Variants in CHD2 observed in about 807,000 individuals in gnomAD.
CHD2 encodes the protein ATP-dependent chromatin remodeler CHD2.
CHD2 carries 28 observed loss-of-function variants against 243.9 expected under a neutral mutation model. The ratio of observed to expected loss-of-function variants is 0.11; its 90% CI spans 0.09 to 0.16. The LOEUF is 0.16. Among genes scored for constraint, CHD2 ranks in the 10% least tolerant of loss-of-function variants. The pLI is 1.00. For missense variants in CHD2, 1,386 were observed against 2,209.8 expected, an observed-to-expected ratio of 0.63 and a Z score of 7.47; for synonymous variants, 775 against 779.0, an observed-to-expected ratio of 0.99 and a Z score of 0.09.
At position 93,027,141 on chromosome 15, in the gene CHD2, G is replaced by A. The variant is rs1305884942; in HGVS notation, c.*2436G>A. ...CTGGAGTATGTTTGAAGAGTGTGCT[G>A]GGAAAAAGGAAGCATTTCTTCATTG... On this transcript the variant is annotated 3_prime_UTR_variant, in exon 39 of 39. Transcript: ENST00000394196. 1 of 152,478 alleles carries A rather than the reference G, an allele frequency of 6.6e-6. No homozygotes were observed. Among genetic ancestry groups the A allele is most frequent in the Non-Finnish European group, 1.5e-5 (1 of 67,998 alleles). 9.4% of individuals were successfully genotyped at this position (152,478 alleles called of 1,614,324 possible).
At chr15:93,023,408 A>G (rs2054556214) in intron 38 of CHD2, among the ~76,000 whole-genome samples, 1 of 152,214 alleles carries the variant, frequency 6.6e-6, no homozygotes, top group South Asian at 2.1e-4. Flanking sequence ...TTGTTTATCC[A>G]TTCATCTGTT....
chr15:92,969,254 A>G (rs2141832908), intron 17 of CHD2, among the ~76,000 whole-genome samples: 1 of 152,326 alleles, frequency 6.6e-6, no homozygotes, highest in South Asian at 2.1e-4. Flanking sequence ...CCTGGCTAAT[A>G]TTCTGTTGCC....
chr15:92,926,036 A>G (rs535638592), intron 3 of CHD2, among the ~76,000 whole-genome samples: 2 of 152,298 alleles, frequency 1.3e-5, no homozygotes, highest in Admixed American at 6.5e-5. Context: ...CAGTGGTGCA[A>G]TCACAGCTCA....
intron 35 of CHD2, among the ~76,000 whole-genome samples, chr15:93,010,837 A>G (rs2054383878): frequency 6.6e-6 from 1 of 152,230 alleles, no homozygotes; most frequent in Non-Finnish European, 1.5e-5. Flanking sequence ...GTTTGTACAT[A>G]ACCACAGTTA....
rs2053577182 is a variant in CHD2 at position 92,953,225 on chromosome 15, A to G, written c.1503-132A>G. The G allele has an allele frequency of 7.4e-6, 5 of 671,602 alleles. No individual in the cohort carries two copies. The Admixed American group carries it at 1.4e-4, about 19-fold the overall frequency. The allele number at this position is 671,602 out of a possible 1,614,324, so 41.6% of individuals were successfully genotyped here. Reference sequence around the variant, plus strand: ...GAAGTAATTGCAGATGAGAAGAAATACATTTGAGGCTTATGAATGACACCT... The same window carrying G: ...GAAGTAATTGCAGATGAGAAGAAATGCATTTGAGGCTTATGAATGACACCT... On this transcript the variant is annotated intron_variant, in intron 13 of 38. Transcript: ENST00000394196.
At chr15:93,017,325 T>C (rs1468527020) in intron 37 of CHD2, among the ~76,000 whole-genome samples, 2 of 140,120 alleles carry the variant, frequency 1.4e-5, no homozygotes, top group Admixed American at 1.4e-4. Flanking sequence ...CTTTAAACAC[T>C]TCTTTCTTTT....
At chr15:92,940,670 T>C (rs1254113289) in intron 7 of CHD2, among the ~76,000 whole-genome samples, 1 of 150,872 alleles carries the variant, frequency 6.6e-6, no homozygotes, top group Non-Finnish European at 1.5e-5. Context: ...CTAGCACTTT[T>C]TCTTACTGTA....
At chr15:92,947,014 G>T (rs527268839) in intron 12 of CHD2, 78 of 152,100 alleles carry the variant, frequency 5.1e-4, no homozygotes, top group African/African-American at 1.8e-3. Flanking sequence ...AAATATATAG[G>T]CTTATTTGCT....
chr15:92,992,393 T>G (rs2054131438), intron 27 of CHD2, among the ~76,000 whole-genome samples: 1 of 152,224 alleles, frequency 6.6e-6, no homozygotes, highest in Non-Finnish European at 1.5e-5. Context: ...GCTGTTAATG[T>G]AGTTGTGTGC....
rs778260282 is a variant in CHD2, at chr15:93,025,667, C to T, written c.*962C>T. 6.6e-6 allele frequency: 1 copy of T among 152,240 alleles called. No individual in the cohort carries two copies. The highest frequency in any genetic ancestry group is 1.5e-5 in the Non-Finnish European group (1 of 68,072). The allele number at this position is 152,240 out of a possible 1,614,324, so 9.4% of individuals were successfully genotyped here. ...CTGGAGAAGGGGATGCAGAGGCAGGCCTGCTGACCAACTTGTTGCAATCAC... is the reference window on the plus strand; with the variant it reads ...CTGGAGAAGGGGATGCAGAGGCAGGTCTGCTGACCAACTTGTTGCAATCAC... On this transcript the variant is annotated 3_prime_UTR_variant, in exon 39 of 39. Transcript: ENST00000394196.
At chr15:92,909,340 T>G (rs549912122) in intron 2 of CHD2, among the ~76,000 whole-genome samples, 2 of 152,268 alleles carry the variant, frequency 1.3e-5, no homozygotes, top group South Asian at 4.1e-4. Context: ...ATAAAAACAT[T>G]GGTGGGTTGT....
At chr15:93,010,460 C>G (rs1346562182) in intron 35 of CHD2, among the ~76,000 whole-genome samples, 4 of 146,818 alleles carry the variant, frequency 2.7e-5, no homozygotes, top group South Asian at 2.1e-4. Flanking sequence ...CTCTTTCACT[C>G]TATCGCCCAG....
At chr15:92,911,544 C>G (rs990167107) in intron 2 of CHD2, among the ~76,000 whole-genome samples, 5 of 152,100 alleles carry the variant, frequency 3.3e-5, no homozygotes, top group African/African-American at 1.2e-4. Flanking sequence ...TCGAGACCAG[C>G]CTGGCCAACA....
rs1365994117 is a variant in CHD2 at position 93,009,276 on chromosome 15, G to T, written c.4545G>T (p.Glu1515Asp). Residue 1515 changes from glutamate to aspartate, a missense_variant, in exon 35 of 39, where the codon GAG (glutamate) becomes GAT (aspartate). This residue lies in a region of CHD2 where 42 missense variants were observed against 47.6 expected (regional missense o/e 0.88). Transcript: ENST00000394196. ...TGAAAATCGGAGACCGGATAGCCGA[G>T]TGCCTTAAAGCCTACTCAGATCAGG... The part of the protein sequence containing the change: ...CLLKIGDRIA[E>D]CLKAYSDQEH... The T allele has an allele frequency of 6.2e-7, 1 of 1,614,098 alleles. No individual in the cohort carries two copies. The highest frequency in any genetic ancestry group is 8.5e-7 in the Non-Finnish European group (1 of 1,180,038).
chr15:92,943,288 G>A (rs191236613), intron 9 of CHD2: 83 of 525,810 alleles, frequency 1.6e-4, no homozygotes, highest in Non-Finnish European at 2.6e-4. Context: ...AGCTTATGGA[G>A]CGTTATTCAC....
chr15:92,956,664 G>T lies in CHD2; in HGVS notation c.2000+15G>T. ...ATGCCGGAGAAGTAAGCTCCTTCCT[G>T]TGTATTTCAAAAGATGCTAGAATGT... On this transcript the variant is annotated intron_variant, in intron 16 of 38. Coordinates refer to ENST00000394196, the MANE Select transcript of CHD2 (RefSeq NM_001271.4). The T allele has an allele frequency of 1.3e-6, 2 of 1,594,096 alleles. No individual in the cohort carries two copies. Among genetic ancestry groups the T allele is most frequent in the Non-Finnish European group, 1.7e-6 (2 of 1,173,636 alleles).
intron 2 of CHD2, chr15:92,904,859 TTTTA>T (rs1477625642): frequency 3.3e-5 from 51 of 1,526,858 alleles, no homozygotes; most frequent in Non-Finnish European, 4.1e-5. Flanking sequence ...AGGCGGATAC[TTTTA>T]TTTTAGTGAA....
Position 92,985,504 on chromosome 15 carries a change from A to T in CHD2, c.3244A>T (p.Thr1082Ser). 6.2e-7 allele frequency: 1 copy of T among 1,612,034 alleles called. No homozygotes were observed. Among genetic ancestry groups the T allele is most frequent in the South Asian group, 1.1e-5 (1 of 90,980 alleles). The change falls in exon 26 of 39, where the codon ACA (threonine) becomes TCA (serine). Residue 1082 changes from threonine (T) to serine (S), a missense_variant. Physicochemically the swap from Thr to Ser is moderately conservative, Grantham distance 58. This residue lies in a region of CHD2 where 99 missense variants were observed against 206.4 expected (regional missense o/e 0.48). Coordinates refer to ENST00000394196, the MANE Select transcript of CHD2 (RefSeq NM_001271.4). ...RIRSSTKKAQ[T>S]NDSDSDTESK... ...TTGCCTCGATCTTTCTCAGGCTCAG[A>T]CAAATGACAGTGACTCTGACACTGA...
In CHD2 at chr15:92,924,540, T is replaced by A; in HGVS notation, c.282T>A (p.Ala94=). 1.2e-6 allele frequency: 2 copies of A among 1,614,052 alleles called. No homozygotes were observed. The highest frequency in any genetic ancestry group is 1.7e-6 in the Non-Finnish European group (2 of 1,179,936). ...CAGCCTCTAAGAAGGAACGGATAGC[T>A]GATGTGAAGAAGGTATCTACTTTGC... The part of the protein sequence containing the change: ...EKPASKKERI[A]DVKKMWEEYP... The change falls in exon 3 of 39, where the codon GCT becomes GCA. Residue 94 remains alanine, a synonymous_variant. Coordinates refer to ENST00000394196, the MANE Select transcript of CHD2 (RefSeq NM_001271.4).
Sources: allele counts gnomAD v4.1 joint callset (sites outside exome capture counted in the v4.1 genomes callset), GRCh38; gene constraint gnomAD v4.1.1; regional missense constraint gnomAD v4.1.1; transcripts MANE v1.5; gene names NCBI Gene and HGNC (gene_info 2026-07-23, HGNC 2026-07-21).